Variants in BICC1 observed in about 807,000 individuals in gnomAD.
BICC1 encodes protein bicaudal C homolog 1.
In BICC1, 43 loss-of-function variants were observed where a neutral mutation model predicts 111.0. The ratio of observed to expected loss-of-function variants is 0.39; its 90% CI spans 0.30 to 0.50. The LOEUF (loss-of-function observed/expected upper bound fraction) is 0.50. Among genes scored for constraint, BICC1 ranks in the 20% least tolerant of loss-of-function variants. The pLI is 0.88. For synonymous variants in BICC1, 467 were observed against 434.4 expected, an observed-to-expected ratio of 1.07 and a Z score of -0.93; for missense variants, 1,091 against 1,203.2, an observed-to-expected ratio of 0.91 and a Z score of 1.38.
intron 2 of BICC1, among the ~76,000 whole-genome samples, chr10:58,684,278 A>G (rs1416169025): frequency 6.6e-6 from 1 of 152,228 alleles, no homozygotes; most frequent in Non-Finnish European, 1.5e-5. Flanking sequence ...TCAGTTTGCC[A>G]GTATTTTATT....
intron 2 of BICC1, among the ~76,000 whole-genome samples, chr10:58,630,059 A>G (rs1020120974): frequency 3.9e-5 from 6 of 152,194 alleles, no homozygotes; most frequent in Admixed American, 1.3e-4. Context: ...TTGGGCCAGG[A>G]TGTGGGTGCC....
At chr10:58,779,810 C>A (rs1842838215) in intron 3 of BICC1, among the ~76,000 whole-genome samples, 2 of 152,178 alleles carry the variant, frequency 1.3e-5, no homozygotes, top group African/African-American at 4.8e-5. Context: ...TACATTCTGG[C>A]TTTTCCTAGC....
At chr10:58,554,794 A>C (rs1843397426) in intron 1 of BICC1, among the ~76,000 whole-genome samples, 1 of 144,702 alleles carries the variant, frequency 6.9e-6, no homozygotes, top group Non-Finnish European at 1.5e-5. Context: ...CTTACATTTG[A>C]TTTTTTTTTT....
chr10:58,571,034 A>T (rs1314940280), intron 1 of BICC1, among the ~76,000 whole-genome samples: 9 of 152,154 alleles, frequency 5.9e-5, no homozygotes, highest in Non-Finnish European at 1.0e-4. Flanking sequence ...TTTCTTTACC[A>T]TTGCTGTGTA....
intron 2 of BICC1, among the ~76,000 whole-genome samples, chr10:58,642,284 T>A (rs1838146480): frequency 6.6e-6 from 1 of 152,130 alleles, no homozygotes; most frequent in Non-Finnish European, 1.5e-5. Context: ...TATTCCTGAG[T>A]TCCGAAAGAG....
intron 3 of BICC1, among the ~76,000 whole-genome samples, chr10:58,719,853 ATGGCCC>A (rs926531194): frequency 5.3e-5 from 8 of 152,228 alleles, no homozygotes; most frequent in African/African-American, 1.9e-4. Context: ...AAAGTAAAAA[ATGGCCC>A]TGGCAGCTGA....
At chr10:58,795,945 G>A (rs1017341365) in intron 9 of BICC1, among the ~76,000 whole-genome samples, 1 of 152,088 alleles carries the variant, frequency 6.6e-6, no homozygotes, top group Non-Finnish European at 1.5e-5. Flanking sequence ...GTAAAGATGA[G>A]GGGCTGTAAA....
chr10:58,798,369 G>A, intron 10 of BICC1, 30 bp from the exon 11 acceptor site: 1 of 1,501,778 alleles, frequency 6.7e-7, no homozygotes, highest in Non-Finnish European at 8.9e-7. Flanking sequence ...AAATTTATGT[G>A]AATTGACTTT....
chr10:58,536,915 A>G (rs1259173311), intron 1 of BICC1, among the ~76,000 whole-genome samples: 2 of 151,854 alleles, frequency 1.3e-5, no homozygotes, highest in Admixed American at 6.6e-5. Flanking sequence ...TGAGATTACT[A>G]TGAGCACCTC....
chr10:58,720,252 CTCTT>C (rs1273311485), intron 3 of BICC1, among the ~76,000 whole-genome samples: 1 of 152,178 alleles, frequency 6.6e-6, no homozygotes, highest in Non-Finnish European at 1.5e-5. Context: ...CTTTGGTGTA[CTCTT>C]TCTTGCTGTC....
chr10:58,765,557 A>G (rs1842433857), intron 3 of BICC1, among the ~76,000 whole-genome samples: 1 of 152,214 alleles, frequency 6.6e-6, no homozygotes, highest in Non-Finnish European at 1.5e-5. Context: ...ATAAGGTTGT[A>G]CGTGATAAAC....
intron 8 of BICC1, among the ~76,000 whole-genome samples, chr10:58,791,721 CAG>C (rs1313743106): frequency 6.6e-6 from 1 of 151,862 alleles, no homozygotes. Context: ...GCCTGGGTGA[CAG>C]AGCAAGACTC....
intron 17 of BICC1, among the ~76,000 whole-genome samples, chr10:58,807,651 A>G (rs530687377): frequency 8.5e-5 from 13 of 152,302 alleles, no homozygotes; most frequent in South Asian, 6.2e-4. Flanking sequence ...CAAAATTTTT[A>G]TGTTTCCCAG....
chr10:58,687,338 G>A (rs1839766946), intron 2 of BICC1, among the ~76,000 whole-genome samples: 1 of 152,260 alleles, frequency 6.6e-6, no homozygotes, highest in Admixed American at 6.5e-5. Context: ...ACTTGAGGCA[G>A]TCTGTCTGTT....
intron 2 of BICC1, among the ~76,000 whole-genome samples, chr10:58,633,387 A>G (rs1338719839): frequency 1.3e-5 from 2 of 152,246 alleles, no homozygotes; most frequent in Non-Finnish European, 2.9e-5. Flanking sequence ...AGGGTGACCA[A>G]ACATTTTGCA....
At chr10:58,728,649 G>T (rs200211122) in intron 3 of BICC1, among the ~76,000 whole-genome samples, 3 of 151,908 alleles carry the variant, frequency 2.0e-5, no homozygotes, top group Non-Finnish European at 4.4e-5. Flanking sequence ...TTACTTTGCC[G>T]CAATCCATCA....
rs752405472 is a variant in BICC1 at position 58,601,173 on chromosome 10, T to TATATATATATATAA, written c.191-19682_191-19681insATATATATATATAA. Among the ~76,000 whole-genome samples, 213 of 131,030 alleles carry TATATATATATATAA rather than the reference T, an allele frequency of 1.6e-3. 2 individuals are homozygous for TATATATATATATAA. Among genetic ancestry groups the TATATATATATATAA allele is most frequent in the African/African-American group, 5.3e-3 (189 of 35,734 alleles). The allele number at this position is 131,030 out of a possible 152,430, so 86.0% of individuals were successfully genotyped here. On this transcript the variant is annotated intron_variant, in intron 1 of 20. Coordinates refer to ENST00000373886, the MANE Select transcript of BICC1 (RefSeq NM_001080512.3). ...ATATATATATATATATATATATATC[T>TATATATATATATAA]CCCAATAAAATTTGGAAAATAAAAA... is the stretch of plus-strand genomic sequence containing the variant.
intron 2 of BICC1, among the ~76,000 whole-genome samples, chr10:58,659,756 CAA>C (rs1838779926): frequency 6.6e-6 from 1 of 151,950 alleles, no homozygotes; most frequent in African/African-American, 2.4e-5. Flanking sequence ...AATTTTATGT[CAA>C]GTGACTGATA....
At chr10:58,614,039 T>C (rs1419970976) in intron 1 of BICC1, among the ~76,000 whole-genome samples, 2 of 152,186 alleles carry the variant, frequency 1.3e-5, no homozygotes, top group Non-Finnish European at 2.9e-5. Context: ...AGTGATACCC[T>C]TTTCCCCAAT....
Sources: gnomAD v4.1 joint callset for allele counts (sites outside exome capture counted in the v4.1 genomes callset) on GRCh38, gnomAD v4.1.1 for gene constraint, MANE v1.5 for transcripts, NCBI Gene and HGNC (gene_info 2026-07-23, HGNC 2026-07-21) for gene names.